The following POFUT1 variants were observed in gnomAD, a reference collection of about 807,000 sequenced individuals.
The protein encoded by POFUT1 is protein O-fucosyltransferase 1.
POFUT1 carries 16 observed loss-of-function variants against 42.4 expected under a neutral mutation model. The observed-to-expected ratio is 0.38, with a 90% CI of 0.26 to 0.57. The LOEUF (loss-of-function observed/expected upper bound fraction) is 0.57. Ranked by LOEUF, POFUT1 falls within the 20% of genes least tolerant of loss-of-function variation. The pLI, the probability that POFUT1 is intolerant of heterozygous loss-of-function variation, is 0.71. For synonymous variants in POFUT1, 206 were observed against 205.4 expected (o/e 1.00, Z -0.03); for missense variants, 470 against 504.6 (o/e 0.93, Z 0.66).
chr20:32,227,358 A>C (rs932392946), intron 4 of POFUT1, among the ~76,000 whole-genome samples: 3 of 152,116 alleles, frequency 2.0e-5, no homozygotes, highest in Non-Finnish European at 2.9e-5. Context: ...CTCTACAAAA[A>C]AAATGTAAAA....
At chr20:32,221,138 C>A (rs934700855) in intron 4 of POFUT1, among the ~76,000 whole-genome samples, 1 of 152,214 alleles carries the variant, frequency 6.6e-6, no homozygotes, top group South Asian at 2.1e-4. Flanking sequence ...GGTTTATAGG[C>A]CCTGTGAGGC....
chr20:32,231,104 A>G, intron 6 of POFUT1, 43 bp downstream of exon 6: 2 of 1,609,940 alleles, frequency 1.2e-6, no homozygotes, highest in Non-Finnish European at 1.7e-6. Context: ...AGGGAATGAA[A>G]GGAGGAGCCA....
Position 32,208,015 on chromosome 20 carries a change from CT to C in POFUT1, c.75del (p.Ala26ArgfsTer36). The C allele has an allele frequency of 6.3e-7, 1 of 1,583,328 alleles. No homozygotes were observed. The highest frequency in any genetic ancestry group is 1.1e-5 in the South Asian group (1 of 87,776). ...CTGCTTCTGCCGCTCCCGGGGATGCCTGCGGGCTCCTGGGACCCGGCCGGTT... is the reference window on the plus strand; with the variant it reads ...CTGCTTCTGCCGCTCCCGGGGATGCCGCGGGCTCCTGGGACCCGGCCGGTT... ...LLLLLPLPGM[P>X]AGSWDPAGYL... is the part of the protein sequence containing the mutation. On this transcript the variant is annotated frameshift_variant, in exon 1 of 7. Transcript: ENST00000375749. LOFTEE classifies it high-confidence loss of function.
At position 32,237,932 on chromosome 20, in the gene POFUT1, G is replaced by A. The variant is rs906644295; in HGVS notation, c.*3271G>A. 1 of 455,522 alleles carries A rather than the reference G, an allele frequency of 2.2e-6. No individual in the cohort carries two copies. The highest frequency in any genetic ancestry group is 4.6e-6 in the Non-Finnish European group (1 of 219,728). 28.2% of individuals were successfully genotyped at this position (455,522 alleles called of 1,614,324 possible). On this transcript the variant is annotated 3_prime_UTR_variant, in exon 7 of 7. Coordinates refer to ENST00000375749, the MANE Select transcript of POFUT1 (RefSeq NM_015352.2). ...TAATTATTTTTCAGTCTTTTTCAAA[G>A]ATACAAATATTTACATAGTTTTAAT...
intron 4 of POFUT1, chr20:32,223,441 ACATTCCAAGTCTG>A: frequency 4.1e-6 from 4 of 985,412 alleles, no homozygotes; most frequent in Non-Finnish European, 4.8e-6. Flanking sequence ...GAGGGGACAC[ACATTCCAAGTCTG>A]GAATTCACCG....
At chr20:32,222,917 A>G (rs2047397865) in intron 4 of POFUT1, 7 of 985,404 alleles carry the variant, frequency 7.1e-6, no homozygotes, top group Non-Finnish European at 8.4e-6. Context: ...TGAGACTGGA[A>G]GAGTGAGAGG....
At position 32,234,827 on chromosome 20, in the gene POFUT1, A is replaced by G; in HGVS notation, c.*166A>G. On this transcript the variant is annotated 3_prime_UTR_variant, in exon 7 of 7. Coordinates refer to ENST00000375749, the MANE Select transcript of POFUT1 (RefSeq NM_015352.2). ...GACCCCTCAAGGAGGGAGACGCTCCATATCCCAGGGCATAGGACTTGCAGG... is the reference window on the plus strand; with the variant it reads ...GACCCCTCAAGGAGGGAGACGCTCCGTATCCCAGGGCATAGGACTTGCAGG... 1 of 598,806 alleles carries G rather than the reference A, an allele frequency of 1.7e-6. No individual in the cohort carries two copies. 37.1% of individuals were successfully genotyped at this position (598,806 alleles called of 1,614,324 possible).
intron 5 of POFUT1, 99 bp from the exon 6 acceptor site, chr20:32,230,720 G>A: frequency 7.3e-7 from 1 of 1,361,500 alleles, no homozygotes; most frequent in South Asian, 1.3e-5. Context: ...ATGTAGTTAG[G>A]TTCTTCCTGT....
chr20:32,228,423 G>A lies in POFUT1; in HGVS notation c.703G>A (p.Val235Met), dbSNP rs1178985921. 3 of 1,614,066 alleles carry A rather than the reference G, an allele frequency of 1.9e-6. No individual in the cohort carries two copies. Among genetic ancestry groups the A allele is most frequent in the Non-Finnish European group, 2.5e-6 (3 of 1,180,012 alleles). ...QIHAHLVRPY[V>M]GIHLRIGSDW... ...TCATGCCCACCTTGTCCGGCCCTATGTGGGCATTCATCTGCGCATTGGCTC... is the reference window on the plus strand; with the variant it reads ...TCATGCCCACCTTGTCCGGCCCTATATGGGCATTCATCTGCGCATTGGCTC... The change falls in exon 5 of 7, where the codon GTG becomes ATG. Residue 235 changes from valine (V) to methionine (M), a missense_variant. Transcript: ENST00000375749.
chr20:32,230,988 A>T lies in POFUT1; in HGVS notation c.905A>T (p.Asp302Val). 1 of 1,614,208 alleles carries T rather than the reference A, an allele frequency of 6.2e-7. No homozygotes were observed. The highest frequency in any genetic ancestry group is 8.5e-7 in the Non-Finnish European group (1 of 1,180,028). The change falls in exon 6 of 7, where the codon GAT (aspartate) becomes GTT (valine). Residue 302 changes from aspartate to valine, a missense_variant. By Grantham distance (152) the Asp-to-Val change is radical. Coordinates refer to ENST00000375749, the MANE Select transcript of POFUT1 (RefSeq NM_015352.2). The stretch of plus-strand genomic sequence containing the variant: ...GTGAAGCTCTGGGTGAGGTCGCTGG[A>T]TGCCCAGTCGGTCTACGTTGCTACT... ...RAVKLWVRSL[D>V]AQSVYVATDS...
At chr20:32,211,410 A>G (rs1015440389) in intron 2 of POFUT1, among the ~76,000 whole-genome samples, 1 of 151,986 alleles carries the variant, frequency 6.6e-6, no homozygotes, top group Non-Finnish European at 1.5e-5. Flanking sequence ...ATTAACTGGG[A>G]CTACAGGCGC....
At chr20:32,208,526 GAAT>G (rs1246777795) in intron 1 of POFUT1, among the ~76,000 whole-genome samples, 1 of 151,556 alleles carries the variant, frequency 6.6e-6, no homozygotes, top group African/African-American at 2.4e-5. Context: ...AAACAATTGA[GAAT>G]AAGTAGGCCA....
chr20:32,216,553 T>C, intron 3 of POFUT1, 56 bp from the exon 4 acceptor site: 1 of 1,071,864 alleles, frequency 9.3e-7, no homozygotes, highest in Middle Eastern at 2.0e-4. Flanking sequence ...CCTGGCCCCA[T>C]CCCCAAATGG....
chr20:32,218,516 C>T (rs2047373885), intron 4 of POFUT1, among the ~76,000 whole-genome samples: 1 of 152,180 alleles, frequency 6.6e-6, no homozygotes. Flanking sequence ...TGGGACTTGC[C>T]TTTGGACCTA....
In POFUT1 at chr20:32,224,052, A is replaced by T. The variant is rs143634611; in HGVS notation, c.543-4211A>T. Among the ~76,000 whole-genome samples the T allele has an allele frequency of 9.8e-5, 15 of 152,354 alleles. No homozygotes were observed. The East Asian group carries it at 2.9e-3, about 29-fold the overall frequency. On this transcript the variant is annotated intron_variant, in intron 4 of 6. Coordinates refer to ENST00000375749, the MANE Select transcript of POFUT1 (RefSeq NM_015352.2). Reference sequence around the variant, plus strand: ...AAACAATTGGAGCATTGCCTATCACATAATGAGGCCCAATAAACAATGCAC... The same window carrying T: ...AAACAATTGGAGCATTGCCTATCACTTAATGAGGCCCAATAAACAATGCAC...
intron 4 of POFUT1, among the ~76,000 whole-genome samples, chr20:32,227,210 T>C (rs1242258576): frequency 1.3e-5 from 2 of 152,132 alleles, no homozygotes; most frequent in Non-Finnish European, 2.9e-5. Flanking sequence ...ACAGGTTTGC[T>C]CCTCATTTGT....
At chr20:32,220,084 T>G (rs2047383474) in intron 4 of POFUT1, among the ~76,000 whole-genome samples, 1 of 152,240 alleles carries the variant, frequency 6.6e-6, no homozygotes. Context: ...TGTGTCTGGC[T>G]TATTTCATGT....
chr20:32,220,558 A>C (rs908449466), intron 4 of POFUT1, among the ~76,000 whole-genome samples: 15 of 152,182 alleles, frequency 9.9e-5, no homozygotes, highest in African/African-American at 3.6e-4. Flanking sequence ...CCTGGCCAAC[A>C]TGCCAAAACC....
At chr20:32,215,513 T>C (rs1009245100) in intron 3 of POFUT1, 62 bp downstream of exon 3, 1 of 1,358,880 alleles carries the variant, frequency 7.4e-7, no homozygotes, top group Admixed American at 2.1e-5. Flanking sequence ...CCCCCAAGAC[T>C]ATGTCATGGC....
Sources: gnomAD v4.1 joint callset for allele counts (sites outside exome capture counted in the v4.1 genomes callset) on GRCh38, gnomAD v4.1.1 for gene constraint, MANE v1.5 for transcripts, NCBI Gene and HGNC (gene_info 2026-07-23, HGNC 2026-07-21) for gene names.